Variants in IL1RAPL1 observed in about 807,000 individuals in gnomAD.
The protein encoded by IL1RAPL1 is interleukin-1 receptor accessory protein-like 1.
IL1RAPL1 carries 3 observed loss-of-function variants against 48.4 expected under a neutral mutation model. The observed-to-expected ratio is 0.06, with a 90% confidence interval of 0.03 to 0.16. IL1RAPL1 has a LOEUF of 0.16. Among genes scored for constraint, IL1RAPL1 ranks in the 10% least tolerant of loss-of-function variants. IL1RAPL1 has a pLI of 1.00. For synonymous variants in IL1RAPL1, 185 were observed against 187.7 expected, an observed-to-expected ratio of 0.99 and a Z score of 0.12; for missense variants, 349 against 530.6, an observed-to-expected ratio of 0.66 and a Z score of 3.36.
At chrX:29,850,670 G>A (rs1246197975) in intron 6 of IL1RAPL1, among the ~76,000 whole-genome samples, 4 of 112,415 alleles carry the variant, frequency 3.6e-5, no homozygotes, top group Admixed American at 9.4e-5. Context: ...ATTGCTGCTC[G>A]TGGGGACAGT....
At chrX:29,895,207 G>A (rs1198778527) in intron 6 of IL1RAPL1, among the ~76,000 whole-genome samples, 1 of 111,336 alleles carries the variant, frequency 9.0e-6, no homozygotes, top group East Asian at 2.8e-4. Flanking sequence ...TTTTGGGGAG[G>A]ATAAGTCTTG....
intron 6 of IL1RAPL1, among the ~76,000 whole-genome samples, chrX:29,778,956 G>A (rs748447314): frequency 9.0e-6 from 1 of 111,221 alleles, no homozygotes; most frequent in Admixed American, 9.6e-5. Flanking sequence ...AATCACTTGG[G>A]GGTCTTTTTA....
chrX:28,685,534 G>A (rs1935100621), intron 1 of IL1RAPL1, among the ~76,000 whole-genome samples: 1 of 112,137 alleles, frequency 8.9e-6, no homozygotes, highest in Non-Finnish European at 1.9e-5. Flanking sequence ...TGCTCTCTAT[G>A]AGGAAGGTGA....
intron 2 of IL1RAPL1, among the ~76,000 whole-genome samples, chrX:28,855,460 C>T: frequency 9.0e-6 from 1 of 111,360 alleles, no homozygotes; most frequent in East Asian, 2.8e-4. Flanking sequence ...TATTACAGTA[C>T]ACCAAAGAAG....
intron 1 of IL1RAPL1, among the ~76,000 whole-genome samples, chrX:28,599,979 GC>G (rs1161258029): frequency 6.1e-4 from 68 of 111,576 alleles, no homozygotes; most frequent in African/African-American, 2.1e-3. Context: ...GCGGGGGGCT[GC>G]CCCACAGGAA....
rs149475984 is a variant in IL1RAPL1, at chrX:29,754,819, G to A, written c.778+86315G>A. Among the ~76,000 whole-genome samples, 96 of 110,805 alleles carry A rather than the reference G, an allele frequency of 8.7e-4. 2 individuals carry two copies. Among genetic ancestry groups the A allele is most frequent in the Admixed American group, 4.5e-3 (47 of 10,394 alleles). ...CACTGCATCAGCTGTCTATTGTTAC[G>A]TAACAAATTAGCACACATTTAATGG... On this transcript the variant is annotated intron_variant, in intron 6 of 10. Transcript: ENST00000378993.
intron 2 of IL1RAPL1, among the ~76,000 whole-genome samples, chrX:28,950,547 C>T (rs1191050350): frequency 1.1e-5 from 1 of 94,656 alleles, no homozygotes; most frequent in African/African-American, 3.9e-5. Context: ...GCCATTTTCA[C>T]GATATTGATT....
At chrX:28,691,236 AAGTGTC>A (rs1399546799) in intron 1 of IL1RAPL1, among the ~76,000 whole-genome samples, 1 of 110,888 alleles carries the variant, frequency 9.0e-6, no homozygotes, top group Non-Finnish European at 1.9e-5. Context: ...AGTCATTTAT[AAGTGTC>A]AGTCCTTCCC....
chrX:29,034,657 G>A (rs1013059828), intron 2 of IL1RAPL1, among the ~76,000 whole-genome samples: 15 of 110,995 alleles, frequency 1.4e-4, no homozygotes, highest in Non-Finnish European at 2.1e-4. Context: ...AAATAAGTTA[G>A]GAATTCATCT....
rs752068665 is a variant in IL1RAPL1, at chrX:28,727,427, A to G, written c.-24-61893A>G. On this transcript the variant is annotated intron_variant, in intron 1 of 10. Transcript: ENST00000378993. ...TGAAGTTGCTTATCAGCTTAAGGAG[A>G]TTTTGGGCTGAGACAATGGGGTTTT... 3.5e-3 allele frequency among the ~76,000 whole-genome samples: 362 copies of G among 102,048 alleles called. 3 individuals are homozygous for G. The highest frequency in any genetic ancestry group is 0.013 in the African/African-American group (346 of 26,745). 88.6% of individuals were successfully genotyped at this position (102,048 alleles called of 115,157 possible). A position where few individuals can be genotyped will look rare whatever the true frequency, so the allele number is the denominator to read the frequency against.
intron 5 of IL1RAPL1, among the ~76,000 whole-genome samples, chrX:29,656,685 A>G (rs1925693223): frequency 9.0e-6 from 1 of 110,567 alleles, no homozygotes; most frequent in African/African-American, 3.3e-5. Flanking sequence ...TCATTGGTTG[A>G]TAGGTATGTA....
intron 6 of IL1RAPL1, among the ~76,000 whole-genome samples, chrX:29,781,680 T>A (rs1442306718): frequency 8.9e-6 from 1 of 112,079 alleles, no homozygotes; most frequent in African/African-American, 3.2e-5. Context: ...TTAAAATCAC[T>A]TGAAAACTGA....
intron 2 of IL1RAPL1, among the ~76,000 whole-genome samples, chrX:29,154,984 G>A (rs1200001872): frequency 2.7e-5 from 3 of 109,528 alleles, no homozygotes; most frequent in Non-Finnish European, 5.7e-5. Flanking sequence ...AGTCTAACAT[G>A]GTATCTTTTT....
chrX:29,455,177 C>A (rs1934725085), intron 5 of IL1RAPL1, among the ~76,000 whole-genome samples: 1 of 111,373 alleles, frequency 9.0e-6, no homozygotes, highest in Non-Finnish European at 1.9e-5. Context: ...ACACGTTTAC[C>A]TATGTAACAA....
At chrX:29,572,992 A>G (rs1044779539) in intron 5 of IL1RAPL1, among the ~76,000 whole-genome samples, 18 of 112,380 alleles carry the variant, frequency 1.6e-4, no homozygotes, top group African/African-American at 4.9e-4. Context: ...TAATTTACAA[A>G]CAATAGGAAT....
chrX:29,422,047 G>A (rs755108631), intron 5 of IL1RAPL1, among the ~76,000 whole-genome samples: 2 of 111,757 alleles, frequency 1.8e-5, no homozygotes, highest in South Asian at 7.5e-4. Flanking sequence ...GAGTTCAGAA[G>A]CTTATATGCC....
intron 1 of IL1RAPL1, among the ~76,000 whole-genome samples, chrX:28,786,322 G>T (rs1029981807): frequency 9.1e-6 from 1 of 110,495 alleles, no homozygotes; most frequent in African/African-American, 3.3e-5. Context: ...AAAATTAGCC[G>T]AGTATGGTGG....
chrX:29,601,123 A>G (rs1165566281), intron 5 of IL1RAPL1, among the ~76,000 whole-genome samples: 1 of 112,052 alleles, frequency 8.9e-6, no homozygotes, highest in Non-Finnish European at 1.9e-5. Context: ...TAACTTGGGT[A>G]TGTTTTTCCT....
rs1203389023 is a variant in IL1RAPL1, at chrX:28,768,687, CTCTCTCTCTCTCTGTT to C, written c.-24-20619_-24-20604del. Among the ~76,000 whole-genome samples, 534 of 76,524 alleles carry C rather than the reference CTCTCTCTCTCTCTGTT, an allele frequency of 7.0e-3. 12 individuals carry two copies. Among genetic ancestry groups the C allele is most frequent in the African/African-American group, 0.013 (253 of 20,187 alleles). 66.5% of individuals were successfully genotyped at this position (76,524 alleles called of 115,157 possible). On this transcript the variant is annotated intron_variant, in intron 1 of 10. Transcript: ENST00000378993. ...AACTTACTGAGTGGGCTCTCTCTGTCTCTCTCTCTCTCTGTTTCTCTCTCTCTCTCTCTCTCTCTCT... is the reference window on the plus strand; with the variant it reads ...AACTTACTGAGTGGGCTCTCTCTGTCTCTCTCTCTCTCTCTCTCTCTCTCT...
Sources: allele counts gnomAD v4.1 joint callset (sites outside exome capture counted in the v4.1 genomes callset), GRCh38; gene constraint gnomAD v4.1.1; transcripts MANE v1.5; gene names NCBI Gene and HGNC (gene_info 2026-07-23, HGNC 2026-07-21).